LRRFIP1: variants seen among roughly 807,000 people sequenced by gnomAD.
The protein encoded by LRRFIP1 is leucine-rich repeat flightless-interacting protein 1.
LRRFIP1 carries 62 observed loss-of-function variants against 104.4 expected under a neutral mutation model. That is an observed-to-expected ratio of 0.59 (90% CI 0.48 to 0.73). LRRFIP1 has a LOEUF of 0.73. Among genes scored for constraint, LRRFIP1 ranks in the 30% least tolerant of loss-of-function variants. The pLI is 0.00. For synonymous variants in LRRFIP1, 300 were observed against 299.0 expected (o/e 1.00, Z -0.03); for missense variants, 796 against 824.5 (o/e 0.97, Z 0.42).
chr2:237,727,285 G>A (rs991975863), intron 7 of LRRFIP1, among the ~76,000 whole-genome samples: 34 of 151,670 alleles, frequency 2.2e-4, no homozygotes, highest in African/African-American at 8.0e-4. Context: ...GAACCAGGGA[G>A]GCAGAGGTTG....
intron 14 of LRRFIP1, among the ~76,000 whole-genome samples, chr2:237,751,937 G>A (rs3820807): frequency 0.22 from 33,637 of 152,130 alleles, 4,290 homozygotes; most frequent in East Asian, 0.53. Context: ...AGTGGGTGGC[G>A]TATCTGTTAC....
intron 1 of LRRFIP1, among the ~76,000 whole-genome samples, chr2:237,704,791 C>T (rs767438169): frequency 6.6e-5 from 10 of 152,122 alleles, no homozygotes; most frequent in South Asian, 6.2e-4. Flanking sequence ...AGGTGGAGAT[C>T]GCCATAGTTG....
intron 1 of LRRFIP1, among the ~76,000 whole-genome samples, chr2:237,677,636 A>T (rs1360614258): frequency 6.6e-6 from 1 of 152,312 alleles, no homozygotes; most frequent in East Asian, 1.9e-4. Flanking sequence ...CTACCCAAAA[A>T]ACTAAAAACT....
chr2:237,732,161 CT>C (rs1179670706), intron 8 of LRRFIP1, among the ~76,000 whole-genome samples: 1 of 152,184 alleles, frequency 6.6e-6, no homozygotes, highest in African/African-American at 2.4e-5. Flanking sequence ...GCCCAGCCGT[CT>C]TTATTTCCTT....
At position 237,707,233 on chromosome 2, in the gene LRRFIP1, C is replaced by T. The variant is rs551216187; in HGVS notation, c.97-1311C>T. 6.6e-5 allele frequency among the ~76,000 whole-genome samples: 10 copies of T among 151,428 alleles called. No homozygotes were observed. The Middle Eastern group carries it at 0.024, about 361-fold the overall frequency. On this transcript the variant is annotated intron_variant, in intron 1 of 23. Coordinates refer to ENST00000308482, the MANE Select transcript of LRRFIP1 (RefSeq NM_001137550.2). ...GGGACGTCCCTGTCAGGACCACCCCCATGCCAGGAGCTTGCTGGCCACCTC... is the reference window on the plus strand; with the variant it reads ...GGGACGTCCCTGTCAGGACCACCCCTATGCCAGGAGCTTGCTGGCCACCTC...
chr2:237,720,091 C>A (rs147052753), intron 5 of LRRFIP1, among the ~76,000 whole-genome samples: 3 of 151,722 alleles, frequency 2.0e-5, no homozygotes, highest in Non-Finnish European at 2.9e-5. Context: ...GGACTACAGG[C>A]GCCTGCCGCC....
rs3820804 is a variant in LRRFIP1 at position 237,763,810 on chromosome 2, T to A, written c.1459+3605T>A. ...CTGGTGGTGAAGAATTAGATGAAGG[T>A]GTTGCAAAAGATAATGCTAAAATAG... On this transcript the variant is annotated intron_variant, in intron 19 of 23. Coordinates refer to ENST00000308482, the MANE Select transcript of LRRFIP1 (RefSeq NM_001137550.2). 0.012 allele frequency: 19,196 copies of A among 1,613,944 alleles called. 977 individuals are homozygous for A. In the African/African-American group the frequency reaches 0.14, roughly 12 times the overall value.
Position 237,735,223 on chromosome 2 carries a change from G to T in LRRFIP1, c.490-45G>T. On this transcript the variant is annotated intron_variant, in intron 9 of 23. Coordinates refer to ENST00000308482, the MANE Select transcript of LRRFIP1 (RefSeq NM_001137550.2). The surrounding 1 kb of genome is among the most constrained non-coding windows in gnomAD (Gnocchi z 4.6). ...TTTTCAGCACTTTCTGGGCACTCTTGGAGAAAGGAAGAGCGCCCATCCTGA... is the reference window on the plus strand; with the variant it reads ...TTTTCAGCACTTTCTGGGCACTCTTTGAGAAAGGAAGAGCGCCCATCCTGA... 6.5e-7 allele frequency: 1 copy of T among 1,545,518 alleles called. No individual in the cohort carries two copies. Among genetic ancestry groups the T allele is most frequent in the Admixed American group, 1.8e-5 (1 of 56,884 alleles).
Position 237,708,587 on chromosome 2 carries a change from C to T in LRRFIP1, c.140C>T (p.Ala47Val), listed in dbSNP as rs769241643. ...GCAAAACGGGCGGCCCGCGCGGAGG[C>T]TCGCGAGATCCGCATGAAGGAGCTG... ...LAAKRAARAEAREIRMKELER... is the reference protein window; with the variant it reads ...LAAKRAARAEVREIRMKELER... Residue 47 changes from alanine (A) to valine (V), a missense_variant, in exon 2 of 24, where the codon GCT (alanine) becomes GTT (valine). Coordinates refer to ENST00000308482, the MANE Select transcript of LRRFIP1 (RefSeq NM_001137550.2). 1.3e-6 allele frequency: 2 copies of T among 1,599,420 alleles called. No homozygotes were observed. The highest frequency in any genetic ancestry group is 1.1e-5 in the South Asian group (1 of 89,096).
chr2:237,712,602 T>G (rs2094146805), intron 2 of LRRFIP1, among the ~76,000 whole-genome samples: 1 of 152,208 alleles, frequency 6.6e-6, no homozygotes, highest in Non-Finnish European at 1.5e-5. Context: ...CCAGGAGGAA[T>G]GTACTCGTGT....
At chr2:237,753,562 A>G (rs1007335579) in intron 15 of LRRFIP1, 83 bp downstream of exon 15, 18 of 1,206,382 alleles carry the variant, frequency 1.5e-5, no homozygotes, top group Admixed American at 2.8e-5. Flanking sequence ...TTGGGAGGCC[A>G]AGGTGGGAGG....
chr2:237,666,800 T>A, intron 1 of LRRFIP1, among the ~76,000 whole-genome samples: 1 of 128,368 alleles, frequency 7.8e-6, no homozygotes, highest in Non-Finnish European at 1.6e-5. Flanking sequence ...TCTCTTTCTC[T>A]TTCTTTCTCT....
chr2:237,653,715 C>T lies in LRRFIP1; in HGVS notation c.96+25975C>T, dbSNP rs181947480. On this transcript the variant is annotated intron_variant, in intron 1 of 23. Transcript: ENST00000308482. ...AGAAATAAATCCACGCATTTCCAGT[C>T]GATTGTTTTTTGACACAGTTGCCAA... Among the ~76,000 whole-genome samples, 51 of 152,182 alleles carry T rather than the reference C, an allele frequency of 3.4e-4. No individual in the cohort carries two copies. The East Asian group carries it at 9.1e-3, about 27-fold the overall frequency.
At chr2:237,743,018 C>T (rs903519902) in intron 11 of LRRFIP1, among the ~76,000 whole-genome samples, 4 of 149,184 alleles carry the variant, frequency 2.7e-5, no homozygotes, top group African/African-American at 1.0e-4. Context: ...CAAAAAGAAA[C>T]CCCCCCAAAA....
At chr2:237,770,234 G>A in intron 20 of LRRFIP1, 3 of 442,838 alleles carry the variant, frequency 6.8e-6, no homozygotes, top group South Asian at 3.8e-5. Flanking sequence ...CCAAAGCCAT[G>A]GAATTGAATT....
In LRRFIP1 at chr2:237,646,909, C is replaced by T. The variant is rs774848490; in HGVS notation, c.96+19169C>T. 2.5e-4 allele frequency among the ~76,000 whole-genome samples: 38 copies of T among 152,052 alleles called. 1 individual carries two copies. The highest frequency in any genetic ancestry group is 1.7e-3 in the South Asian group (8 of 4,810). On this transcript the variant is annotated intron_variant, in intron 1 of 23. Coordinates refer to ENST00000308482, the MANE Select transcript of LRRFIP1 (RefSeq NM_001137550.2). ...ACTGAGACAGGCAGATACTATCATT[C>T]CCATATGAAAATTGAAGAGACTGAA...
At chr2:237,636,434 C>T (rs1480890657) in intron 1 of LRRFIP1, among the ~76,000 whole-genome samples, 3 of 150,336 alleles carry the variant, frequency 2.0e-5, no homozygotes, top group African/African-American at 4.9e-5. Flanking sequence ...CTAAGTTTAC[C>T]TGTTTTATAT....
intron 5 of LRRFIP1, among the ~76,000 whole-genome samples, chr2:237,720,348 A>G (rs1296900415): frequency 6.6e-6 from 1 of 152,014 alleles, no homozygotes; most frequent in African/African-American, 2.4e-5. Flanking sequence ...CGTGGGTCCA[A>G]GTGATTCTCA....
At chr2:237,650,943 C>T (rs1368263000) in intron 1 of LRRFIP1, among the ~76,000 whole-genome samples, 2 of 152,170 alleles carry the variant, frequency 1.3e-5, no homozygotes, top group East Asian at 3.8e-4. Context: ...ACTCGGCCCT[C>T]AGGCCTCCAC....
Sources: gnomAD v4.1 joint callset for allele counts (sites outside exome capture counted in the v4.1 genomes callset) on GRCh38, gnomAD v4.1.1 for gene constraint, Gnocchi (gnomAD v3.1) non-coding constraint, MANE v1.5 for transcripts, NCBI Gene and HGNC (gene_info 2026-07-23, HGNC 2026-07-21) for gene names.